The following CMIP variants were observed in gnomAD, a reference collection of about 807,000 sequenced individuals.
CMIP encodes C-Maf-inducing protein.
Under a neutral mutation model 97.3 loss-of-function variants are expected in CMIP, and 13 were observed. The observed-to-expected ratio is 0.13, with a 90% CI of 0.09 to 0.21. CMIP has a LOEUF of 0.21. Ranked by LOEUF, CMIP falls within the 10% of genes least tolerant of loss-of-function variation. The pLI, the probability that CMIP is intolerant of heterozygous loss-of-function variation, is 1.00. For missense variants in CMIP, 847 were observed against 1,024.9 expected (o/e 0.83, Z 2.37); for synonymous variants, 538 against 436.3 (o/e 1.23, Z -2.91).
chr16:81,492,820 T>A (rs1597472805), intron 1 of CMIP, among the ~76,000 whole-genome samples: 1 of 123,492 alleles, frequency 8.1e-6, no homozygotes, highest in Non-Finnish European at 1.7e-5. Flanking sequence ...TCGTGGGGGG[T>A]CGGGGAGAAA....
chr16:81,479,787 C>T (rs903509220), intron 1 of CMIP, among the ~76,000 whole-genome samples: 12 of 152,162 alleles, frequency 7.9e-5, no homozygotes, highest in African/African-American at 2.9e-4. Flanking sequence ...ACAGTCACTC[C>T]TCTTTCCCCC....
At chr16:81,704,990 C>G (rs567043606) in intron 18 of CMIP, among the ~76,000 whole-genome samples, 2 of 152,120 alleles carry the variant, frequency 1.3e-5, no homozygotes, top group East Asian at 2.0e-4. Context: ...TATAGTAACA[C>G]CAGTGGCTGC....
chr16:81,513,359 C>T (rs377250704), intron 1 of CMIP, among the ~76,000 whole-genome samples: 5 of 152,224 alleles, frequency 3.3e-5, no homozygotes, highest in African/African-American at 1.2e-4. Context: ...AGACAGCCAG[C>T]GCGGCTGGCC....
chr16:81,693,040 C>G (rs1050374291), intron 11 of CMIP, 118 bp from the exon 12 acceptor site: 1 of 735,702 alleles, frequency 1.4e-6, no homozygotes, highest in East Asian at 2.7e-5. Context: ...ACTCACATTC[C>G]TCTTCATTCT....
At chr16:81,508,324 G>A (rs922658804) in intron 1 of CMIP, among the ~76,000 whole-genome samples, 3 of 152,126 alleles carry the variant, frequency 2.0e-5, no homozygotes, top group Non-Finnish European at 4.4e-5. Context: ...ACATAATTAG[G>A]TACATAGACG....
chr16:81,525,786 G>A (rs749014300), intron 1 of CMIP, among the ~76,000 whole-genome samples: 1 of 152,050 alleles, frequency 6.6e-6, no homozygotes, highest in African/African-American at 2.4e-5. Context: ...GCCTACTCCC[G>A]ACCCCTGGCA....
intron 1 of CMIP, among the ~76,000 whole-genome samples, chr16:81,465,505 C>A (rs1028303909): frequency 6.6e-6 from 1 of 152,244 alleles, no homozygotes; most frequent in Non-Finnish European, 1.5e-5. Flanking sequence ...ACGTTTGTTA[C>A]CAGTCCCTAA....
At chr16:81,679,211 G>A (rs1174141932) in intron 10 of CMIP, among the ~76,000 whole-genome samples, 1 of 152,074 alleles carries the variant, frequency 6.6e-6, no homozygotes, top group Non-Finnish European at 1.5e-5. Flanking sequence ...TGTGTTTATA[G>A]GAGAGATGGG....
At chr16:81,470,507 A>ATT (rs1234910414) in intron 1 of CMIP, among the ~76,000 whole-genome samples, 5 of 152,216 alleles carry the variant, frequency 3.3e-5, no homozygotes, top group Middle Eastern at 3.2e-3. Flanking sequence ...AAAGTGCTAA[A>ATT]AATAAGGCTG....
At chr16:81,479,773 G>A (rs1290650134) in intron 1 of CMIP, among the ~76,000 whole-genome samples, 2 of 152,070 alleles carry the variant, frequency 1.3e-5, no homozygotes, top group African/African-American at 2.4e-5. Context: ...TCCTGTACCC[G>A]TTAACAGTCA....
At chr16:81,676,915 C>T (rs1268432521) in intron 9 of CMIP, among the ~76,000 whole-genome samples, 3 of 152,156 alleles carry the variant, frequency 2.0e-5, no homozygotes, top group Non-Finnish European at 2.9e-5. Flanking sequence ...GCATGTGACA[C>T]ATGTGGGGAA....
At chr16:81,656,559 G>A (rs62043837) in intron 4 of CMIP, among the ~76,000 whole-genome samples, 1,788 of 152,268 alleles carry the variant, frequency 0.012, 21 homozygotes, top group Non-Finnish European at 0.02. Context: ...TGGCACAGCC[G>A]TCTCTTTCCT....
At chr16:81,482,677 G>A (rs1313981145) in intron 1 of CMIP, among the ~76,000 whole-genome samples, 11 of 152,186 alleles carry the variant, frequency 7.2e-5, no homozygotes. Flanking sequence ...AGAGCTAGGA[G>A]CATAATGTGC....
chr16:81,495,499 A>T, intron 1 of CMIP: 14 of 1,612,948 alleles, frequency 8.7e-6, no homozygotes, highest in Non-Finnish European at 1.2e-5. Flanking sequence ...GCTGAGGTAC[A>T]GTCCCATGTG....
At position 81,444,903 on chromosome 16, in the gene CMIP, C is replaced by G. The variant is rs1905726351; in HGVS notation, c.-339C>G. Among the ~76,000 whole-genome samples the G allele has an allele frequency of 1.4e-5, 2 of 138,016 alleles. No individual in the cohort carries two copies. The highest frequency in any genetic ancestry group is 4.5e-4 in the South Asian group (2 of 4,410). The allele number at this position is 138,016 out of a possible 152,430, so 90.5% of individuals were successfully genotyped here. On this transcript the variant is annotated 5_prime_UTR_variant, in exon 1 of 21. Transcript: ENST00000537098. ...ACGCCCGCCCCCACCCCGCCGCCCC[C>G]ACCCCGGCGCCCGCCCTCCGCGCCT...
intron 3 of CMIP, among the ~76,000 whole-genome samples, chr16:81,629,788 G>A (rs1008900931): frequency 1.3e-5 from 2 of 152,238 alleles, no homozygotes; most frequent in East Asian, 1.9e-4. Context: ...CTGCAGAATC[G>A]TCCGTGAAGA....
At chr16:81,577,723 TTCA>T (rs1247580426) in intron 1 of CMIP, among the ~76,000 whole-genome samples, 1 of 147,460 alleles carries the variant, frequency 6.8e-6, no homozygotes, top group African/African-American at 2.6e-5. Flanking sequence ...CACCATCACC[TTCA>T]TCATCACCGT....
intron 1 of CMIP, among the ~76,000 whole-genome samples, chr16:81,568,856 T>C (rs1192550670): frequency 4.6e-5 from 7 of 152,164 alleles, no homozygotes; most frequent in Admixed American, 4.6e-4. Flanking sequence ...TGTGGCCCAG[T>C]TGACAATTGA....
At chr16:81,641,475 T>G (rs1362073235) in intron 3 of CMIP, among the ~76,000 whole-genome samples, 1 of 152,042 alleles carries the variant, frequency 6.6e-6, no homozygotes, top group Non-Finnish European at 1.5e-5. Context: ...TTGCCCACGG[T>G]GCAGCTGGCC....
Sources: gnomAD v4.1 joint callset for allele counts (sites outside exome capture counted in the v4.1 genomes callset) on GRCh38, gnomAD v4.1.1 for gene constraint, MANE v1.5 for transcripts, NCBI Gene and HGNC (gene_info 2026-07-23, HGNC 2026-07-21) for gene names.